PTPRA: variants seen among roughly 807,000 people sequenced by gnomAD.
PTPRA encodes the protein receptor-type tyrosine-protein phosphatase alpha.
A neutral mutation model predicts 104.8 loss-of-function variants in PTPRA; 25 were observed. The ratio of observed to expected loss-of-function variants is 0.24; its 90% CI spans 0.17 to 0.33. The LOEUF is 0.33. Ranked by LOEUF, PTPRA falls within the 10% of genes least tolerant of loss-of-function variation. PTPRA has a pLI of 1.00. For missense variants in PTPRA, 765 were observed against 1,015.3 expected, an observed-to-expected ratio of 0.75 and a Z score of 3.35; for synonymous variants, 323 against 368.9, an observed-to-expected ratio of 0.88 and a Z score of 1.43.
intron 1 of PTPRA, among the ~76,000 whole-genome samples, chr20:2,876,690 T>G (rs1161841306): frequency 1.3e-5 from 2 of 152,200 alleles, no homozygotes; most frequent in African/African-American, 2.4e-5. Context: ...CAATATGCTT[T>G]TAGAAGTAGA....
In PTPRA at chr20:3,030,246, A is replaced by G. The variant is rs914108370; in HGVS notation, c.1920+2405A>G. Reference sequence around the variant, plus strand: ...AAGGGCAGGGGGCAGGAAGCATTTCATGTGTGTGGCGGTGGGGAGAAGAGT... The same window carrying G: ...AAGGGCAGGGGGCAGGAAGCATTTCGTGTGTGTGGCGGTGGGGAGAAGAGT... On this transcript the variant is annotated intron_variant, in intron 20 of 23. Coordinates refer to ENST00000399903, the MANE Select transcript of PTPRA (RefSeq NM_001385305.1). Among the ~76,000 whole-genome samples, 9 of 152,154 alleles carry G rather than the reference A, an allele frequency of 5.9e-5. No homozygotes were observed. The South Asian group carries it at 1.7e-3, about 28-fold the overall frequency.
Position 3,027,211 on chromosome 20 carries a change from G to A in PTPRA, c.1785+14G>A. Reference sequence around the variant, plus strand: ...TCCTTTATTGATGTAAGTGGTGGGTGTGACCCCTGAGCCCCCAACACCCCG... The same window carrying A: ...TCCTTTATTGATGTAAGTGGTGGGTATGACCCCTGAGCCCCCAACACCCCG... On this transcript the variant is annotated intron_variant, in intron 19 of 23. Coordinates refer to ENST00000399903, the MANE Select transcript of PTPRA (RefSeq NM_001385305.1). The A allele has an allele frequency of 6.2e-7, 1 of 1,612,628 alleles. No individual in the cohort carries two copies. Among genetic ancestry groups the A allele is most frequent in the Non-Finnish European group, 8.5e-7 (1 of 1,178,620 alleles).
At position 3,026,877 on chromosome 20, in the gene PTPRA, A is replaced by G. The variant is rs1394578519; in HGVS notation, c.1708+97A>G. 9 of 1,149,040 alleles carry G rather than the reference A, an allele frequency of 7.8e-6. No individual in the cohort carries two copies. In the African/African-American group the frequency reaches 9.2e-5, roughly 12 times the overall value. 71.2% of individuals were successfully genotyped at this position (1,149,040 alleles called of 1,614,324 possible). On this transcript the variant is annotated intron_variant, in intron 18 of 23. Transcript: ENST00000399903. The stretch of plus-strand genomic sequence containing the variant: ...AGGTACTAGTTAATGATTGGCGTAT[A>G]GACAAGAATCATGGCATTGCCTCTT...
At chr20:2,987,932 G>T in intron 7 of PTPRA, 100 bp from the exon 8 acceptor site, 1 of 1,151,980 alleles carries the variant, frequency 8.7e-7, no homozygotes. Flanking sequence ...ATTTTTAAAG[G>T]CGATTTAGAA....
chr20:2,975,379 G>A, intron 6 of PTPRA, 138 bp downstream of exon 6: 1 of 667,630 alleles, frequency 1.5e-6, no homozygotes, highest in Non-Finnish European at 2.3e-6. Flanking sequence ...TTATTTCCAT[G>A]TTAATCTCAT....
At chr20:2,976,881 C>T (rs1259159448) in intron 6 of PTPRA, among the ~76,000 whole-genome samples, 2 of 152,170 alleles carry the variant, frequency 1.3e-5, no homozygotes, top group East Asian at 3.8e-4. Flanking sequence ...ACAGTAGTGT[C>T]TGATGTTTTA....
At position 2,987,858 on chromosome 20, in the gene PTPRA, C is replaced by T. The variant is rs538164001; in HGVS notation, c.528-174C>T. The T allele has an allele frequency of 8.2e-4, 616 of 747,812 alleles. 4 individuals carry two copies. In the Middle Eastern group the frequency reaches 0.016, roughly 19 times the overall value. 46.3% of individuals were successfully genotyped at this position (747,812 alleles called of 1,614,324 possible). A position where few individuals can be genotyped will look rare whatever the true frequency, so the allele number is the denominator to read the frequency against. On this transcript the variant is annotated intron_variant, in intron 7 of 23. Transcript: ENST00000399903. Reference sequence around the variant, plus strand: ...GGGTAAACAGGAGTATCCCGAGGTACTCGGTCACCCCAGCATGCTGCTGCC... The same window carrying T: ...GGGTAAACAGGAGTATCCCGAGGTATTCGGTCACCCCAGCATGCTGCTGCC...
chr20:3,025,658 T>G (rs2065101098), intron 17 of PTPRA, among the ~76,000 whole-genome samples: 2 of 151,358 alleles, frequency 1.3e-5, no homozygotes, highest in African/African-American at 4.9e-5. Flanking sequence ...TCACCTGAGC[T>G]CAGGAGTTCA....
chr20:2,957,701 T>A (rs2061588445), intron 3 of PTPRA, among the ~76,000 whole-genome samples: 1 of 151,992 alleles, frequency 6.6e-6, no homozygotes, highest in South Asian at 2.1e-4. Flanking sequence ...AAGGGGAAAA[T>A]TTCTGGATAT....
chr20:2,936,353 G>T (rs1360571638), intron 2 of PTPRA, among the ~76,000 whole-genome samples: 1 of 152,098 alleles, frequency 6.6e-6, no homozygotes, highest in African/African-American at 2.4e-5. Context: ...AATAGAGACA[G>T]GGTCTTGCTA....
chr20:2,967,530 G>T (rs2061989542), intron 5 of PTPRA, among the ~76,000 whole-genome samples: 1 of 151,962 alleles, frequency 6.6e-6, no homozygotes, highest in African/African-American at 2.4e-5. Flanking sequence ...TTTTTTTCTG[G>T]ATTTAATACT....
chr20:2,978,691 G>A (rs2148057338), intron 6 of PTPRA, among the ~76,000 whole-genome samples: 1 of 152,250 alleles, frequency 6.6e-6, no homozygotes, highest in East Asian at 1.9e-4. Flanking sequence ...GTAAAACTTT[G>A]CTGGAATGAA....
At chr20:2,866,323 A>G in the PTPRA span, 3 of 1,614,002 alleles carry the variant, frequency 1.9e-6, no homozygotes, top group Admixed American at 3.3e-5. Flanking sequence ...TGGGTGCGTC[A>G]ACTGAGGGCC....
chr20:3,013,733 C>T (rs563845949), intron 11 of PTPRA, among the ~76,000 whole-genome samples: 2 of 152,152 alleles, frequency 1.3e-5, no homozygotes, highest in African/African-American at 4.8e-5. Flanking sequence ...GATCTTTAGA[C>T]GTGTTTCTTT....
In PTPRA at chr20:3,022,773, T is replaced by C; in HGVS notation, c.1413T>C (p.Tyr471=). 4 of 1,614,164 alleles carry C rather than the reference T, an allele frequency of 2.5e-6. No individual in the cohort carries two copies. The highest frequency in any genetic ancestry group is 4.5e-5 in the East Asian group (2 of 44,878). Residue 471 remains tyrosine (Y), a synonymous_variant, in exon 16 of 24, where the codon TAT becomes TAC. Coordinates refer to ENST00000399903, the MANE Select transcript of PTPRA (RefSeq NM_001385305.1). The surrounding 1 kb of genome is among the most constrained non-coding windows in gnomAD (Gnocchi z 4.6). ...ATACAGAACGGAAGGTGGACGTGTA[T>C]GGCTTTGTGAGCCGGATCCGGGCAC... ...MMHTERKVDV[Y]GFVSRIRAQR... is the part of the protein sequence containing the mutation.
In PTPRA at chr20:2,910,173, CGTATA is replaced by C. The variant is rs1568649619; in HGVS notation, c.-128-13028_-128-13024del. On this transcript the variant is annotated intron_variant, in intron 1 of 23. Transcript: ENST00000399903. ...ATACTATACGTCATATATAATATGACGTATAGTATATATGATATATGATATATATA... is the reference window on the plus strand; with the variant it reads ...ATACTATACGTCATATATAATATGACGTATATATGATATATGATATATATA... Among the ~76,000 whole-genome samples, 15 of 94,390 alleles carry C rather than the reference CGTATA, an allele frequency of 1.6e-4. No individual in the cohort carries two copies. In the South Asian group the frequency reaches 3.8e-3, roughly 24 times the overall value. 61.9% of individuals were successfully genotyped at this position (94,390 alleles called of 152,430 possible). A position where few individuals can be genotyped will look rare whatever the true frequency, so the allele number is the denominator to read the frequency against.
rs573965183 is a variant in PTPRA, at chr20:2,924,244, T to A, written c.-50+959T>A. ...TGGTGAAACCCCATCTCTACTAAAATTACAAAAATGAGCTGAGTGTGGTGG... is the reference window on the plus strand; with the variant it reads ...TGGTGAAACCCCATCTCTACTAAAAATACAAAAATGAGCTGAGTGTGGTGG... On this transcript the variant is annotated intron_variant, in intron 2 of 23. Transcript: ENST00000399903. Among the ~76,000 whole-genome samples the A allele has an allele frequency of 9.2e-5, 14 of 151,844 alleles. No individual in the cohort carries two copies. In the East Asian group the frequency reaches 1.6e-3, roughly 17 times the overall value.
intron 13 of PTPRA, among the ~76,000 whole-genome samples, chr20:3,021,051 G>A (rs1208298971): frequency 6.6e-6 from 1 of 152,198 alleles, no homozygotes; most frequent in Non-Finnish European, 1.5e-5. Context: ...AAGGGAGTGT[G>A]GGTGGGAAAC....
chr20:2,897,495 C>G (rs972718246), intron 1 of PTPRA, among the ~76,000 whole-genome samples: 2 of 146,512 alleles, frequency 1.4e-5, no homozygotes, highest in Non-Finnish European at 3.0e-5. Context: ...TCACGTGATT[C>G]TGCCACCTCA....
Sources: allele counts gnomAD v4.1 joint callset (sites outside exome capture counted in the v4.1 genomes callset), GRCh38; gene constraint gnomAD v4.1.1; non-coding constraint Gnocchi (gnomAD v3.1); transcripts MANE v1.5; gene names NCBI Gene and HGNC (gene_info 2026-07-23, HGNC 2026-07-21).